TRAF7: variants seen among roughly 807,000 people sequenced by gnomAD.
TRAF7 encodes the protein E3 ubiquitin-protein ligase TRAF7.
A neutral mutation model predicts 89.3 loss-of-function variants in TRAF7; 45 were observed. That is an observed-to-expected ratio of 0.50 (90% CI 0.40 to 0.65). TRAF7 has a LOEUF of 0.65. Ranked by LOEUF, TRAF7 falls within the 30% of genes least tolerant of loss-of-function variation. TRAF7 has a pLI of 0.00. For synonymous variants in TRAF7, 406 were observed against 369.2 expected (o/e 1.10, Z -1.14); for missense variants, 677 against 918.1 (o/e 0.74, Z 3.39).
In TRAF7 at chr16:2,163,942, C is replaced by T. The variant is rs772309846; in HGVS notation, c.22C>T (p.Arg8Cys). The stretch of plus-strand genomic sequence containing the variant: ...GAGCATGAGCTCAGGCAAGAGTGCC[C>T]GCTACAACCGCTTCTCCGGGGGGCC... Reference protein sequence around the residue: MSSGKSARYNRFSGGPSN... With the variant: MSSGKSACYNRFSGGPSN... The change falls in exon 2 of 21, where the codon CGC (arginine) becomes TGC (cysteine). Residue 8 changes from arginine to cysteine, a missense_variant. By Grantham distance (180) the Arg-to-Cys change is radical. Around this residue, in one of 6 missense-constraint regions of TRAF7, gnomAD observed 240 missense variants for 191.9 expected, o/e 1.25. Coordinates refer to ENST00000326181, the MANE Select transcript of TRAF7 (RefSeq NM_032271.3). The surrounding 1 kb of genome is among the most constrained non-coding windows in gnomAD (Gnocchi z 4.3). The T allele has an allele frequency of 3.8e-5, 61 of 1,612,632 alleles. No individual in the cohort carries two copies. Among genetic ancestry groups the T allele is most frequent in the Middle Eastern group, 1.6e-4 (1 of 6,084 alleles).
rs1305540644 is a variant in TRAF7, at chr16:2,176,741, C to G, written c.*167C>G. ...CCCGTCCCATGCTCGGCGAGCCTCCCTCTACTCGGCACTGTCCTTGCTGCC... is the reference window on the plus strand; with the variant it reads ...CCCGTCCCATGCTCGGCGAGCCTCCGTCTACTCGGCACTGTCCTTGCTGCC... On this transcript the variant is annotated 3_prime_UTR_variant, in exon 21 of 21. Coordinates refer to ENST00000326181, the MANE Select transcript of TRAF7 (RefSeq NM_032271.3). 5 of 986,968 alleles carry G rather than the reference C, an allele frequency of 5.1e-6. No homozygotes were observed. Among genetic ancestry groups the G allele is most frequent in the Non-Finnish European group, 7.7e-6 (5 of 650,632 alleles). The allele number at this position is 986,968 out of a possible 1,614,324, so 61.1% of individuals were successfully genotyped here.
chr16:2,160,946 A>G (rs893644297), intron 1 of TRAF7, among the ~76,000 whole-genome samples: 3 of 151,898 alleles, frequency 2.0e-5, no homozygotes, highest in Admixed American at 2.0e-4. Context: ...TCCTCTCCCT[A>G]CTGGGGAAAC....
rs1232942543 is a variant in TRAF7 at position 2,176,795 on chromosome 16, G to A, written c.*221G>A. 2.2e-5 allele frequency: 15 copies of A among 666,942 alleles called. No homozygotes were observed. The highest frequency in any genetic ancestry group is 3.6e-5 in the Non-Finnish European group (14 of 383,852). 41.3% of individuals were successfully genotyped at this position (666,942 alleles called of 1,614,324 possible). A position where few individuals can be genotyped will look rare whatever the true frequency, so the allele number is the denominator to read the frequency against. On this transcript the variant is annotated 3_prime_UTR_variant, in exon 21 of 21. Coordinates refer to ENST00000326181, the MANE Select transcript of TRAF7 (RefSeq NM_032271.3). ...CCCCTCTCTGGGTGCCAGGTACGAC[G>A]CTTGCCCCGGCCCACCCTCCATCCC... is the stretch of plus-strand genomic sequence containing the variant.
chr16:2,172,177 C>T lies in TRAF7; in HGVS notation c.476-14C>T. On this transcript the variant is annotated splice_polypyrimidine_tract_variant and intron_variant, in intron 7 of 20. Coordinates refer to ENST00000326181, the MANE Select transcript of TRAF7 (RefSeq NM_032271.3). ...CAGGCAGGCCGTGAGGGTCAGCACG[C>T]CCTCCTCTCCCAGAGAAGTGTCCCG... 1.2e-6 allele frequency: 2 copies of T among 1,612,862 alleles called. No individual in the cohort carries two copies. The highest frequency in any genetic ancestry group is 1.3e-5 in the African/African-American group (1 of 75,050).
chr16:2,170,574 C>A, intron 4 of TRAF7, 40 bp from the exon 5 acceptor site: 7 of 1,519,236 alleles, frequency 4.6e-6, no homozygotes, highest in East Asian at 2.3e-5. Flanking sequence ...GCTCTGACCC[C>A]GTGCGGAGCC....
At position 2,168,407 on chromosome 16, in the gene TRAF7, C is replaced by T. The variant is rs954253931; in HGVS notation, c.231+239C>T. ...AGGGCAGCTGGGTCAGAGGGCCTGG[C>T]ACCTGCAGGCCAGGATGAGGCATAT... On this transcript the variant is annotated intron_variant, in intron 4 of 20. Coordinates refer to ENST00000326181, the MANE Select transcript of TRAF7 (RefSeq NM_032271.3). The surrounding 1 kb of genome is among the most constrained non-coding windows in gnomAD (Gnocchi z 4.1). The T allele has an allele frequency of 2.2e-5, 11 of 500,236 alleles. No individual in the cohort carries two copies. Among genetic ancestry groups the T allele is most frequent in the Admixed American group, 1.4e-4 (4 of 28,418 alleles). 31.0% of individuals were successfully genotyped at this position (500,236 alleles called of 1,614,324 possible). A position where few individuals can be genotyped will look rare whatever the true frequency, so the allele number is the denominator to read the frequency against.
chr16:2,163,274 C>T lies in TRAF7; in HGVS notation c.-38-609C>T, dbSNP rs1417069724. ...CCTGCACGGGTTCCAGGGGCGGGCT[C>T]ATCTCTCTCCTGTGCTTTTTTCCGT... is the stretch of plus-strand genomic sequence containing the variant. On this transcript the variant is annotated intron_variant, in intron 1 of 20. Transcript: ENST00000326181. The surrounding 1 kb of genome is among the most constrained non-coding windows in gnomAD (Gnocchi z 4.3). Among the ~76,000 whole-genome samples the T allele has an allele frequency of 6.6e-6, 1 of 152,182 alleles. No individual in the cohort carries two copies. The highest frequency in any genetic ancestry group is 1.9e-4 in the East Asian group (1 of 5,194).
In TRAF7 at chr16:2,161,567, G is replaced by C. The variant is rs1246352119; in HGVS notation, c.-38-2316G>C. Among the ~76,000 whole-genome samples the C allele has an allele frequency of 6.6e-6, 1 of 152,160 alleles. No individual in the cohort carries two copies. The highest frequency in any genetic ancestry group is 1.5e-5 in the Non-Finnish European group (1 of 68,018). On this transcript the variant is annotated intron_variant, in intron 1 of 20. Transcript: ENST00000326181. This position sits in a 1 kb window ranked among gnomAD's most constrained non-coding sequence, Gnocchi z 5.2. ...GCTTGCAGCTGGCCCTGGGGCCCCGGAAGCTTGCAGTACAGGGAGCTGATG... is the reference window on the plus strand; with the variant it reads ...GCTTGCAGCTGGCCCTGGGGCCCCGCAAGCTTGCAGTACAGGGAGCTGATG...
rs1364355497 is a variant in TRAF7, at chr16:2,168,338, G to A, written c.231+170G>A. ...CAGACATGGCAAGTCTGTGAGAAAGGAGGCTCCTGTGGCTGGACTGTGGGT... is the reference window on the plus strand; with the variant it reads ...CAGACATGGCAAGTCTGTGAGAAAGAAGGCTCCTGTGGCTGGACTGTGGGT... On this transcript the variant is annotated intron_variant, in intron 4 of 20. Coordinates refer to ENST00000326181, the MANE Select transcript of TRAF7 (RefSeq NM_032271.3). The surrounding 1 kb of genome is among the most constrained non-coding windows in gnomAD (Gnocchi z 4.1). 1.7e-6 allele frequency: 1 copy of A among 586,510 alleles called. No individual in the cohort carries two copies. Among genetic ancestry groups the A allele is most frequent in the African/African-American group, 1.9e-5 (1 of 52,642 alleles). The allele number at this position is 586,510 out of a possible 1,614,324, so 36.3% of individuals were successfully genotyped here.
chr16:2,160,778 G>A (rs1042438506), intron 1 of TRAF7, among the ~76,000 whole-genome samples: 6 of 152,110 alleles, frequency 3.9e-5, no homozygotes, highest in Admixed American at 2.0e-4. Context: ...TTCTCACTCC[G>A]GTTGACAACT....
intron 3 of TRAF7, 142 bp from the exon 4 acceptor site, chr16:2,167,935 T>C (rs2093092937): frequency 1.3e-5 from 9 of 692,136 alleles, no homozygotes; most frequent in East Asian, 2.7e-5. Flanking sequence ...GTGCCATCCC[T>C]GCATGCTTTC....
chr16:2,171,466 G>A (rs1473825841), intron 6 of TRAF7, 106 bp from the exon 7 acceptor site: 8 of 1,567,328 alleles, frequency 5.1e-6, no homozygotes, highest in Non-Finnish European at 6.9e-6. Context: ...GGCCTGTCCT[G>A]GCTGCACTGG....
At position 2,158,307 on chromosome 16, in the gene TRAF7, C is replaced by G. The variant is rs1313743113; in HGVS notation, c.-39+2449C>G. Among the ~76,000 whole-genome samples the G allele has an allele frequency of 6.6e-6, 1 of 152,206 alleles. No individual in the cohort carries two copies. Among genetic ancestry groups the G allele is most frequent in the African/African-American group, 2.4e-5 (1 of 41,450 alleles). On this transcript the variant is annotated intron_variant, in intron 1 of 20. Transcript: ENST00000326181. This position sits in a 1 kb window ranked among gnomAD's most constrained non-coding sequence, Gnocchi z 4.7. ...AGTCTTTGACAGATCCGCTGCTGTC[C>G]CCAGCCTTGCTCCCTGGAGGAGGAG...
chr16:2,164,191 T>TGTGCGC (rs1440565592), intron 2 of TRAF7, among the ~76,000 whole-genome samples, 190 bp downstream of exon 2: 1 of 138,038 alleles, frequency 7.2e-6, no homozygotes, highest in Non-Finnish European at 1.6e-5. Flanking sequence ...CACGCGTGCG[T>TGTGCGC]GTGTGGTTGG....
chr16:2,175,247 G>A, intron 15 of TRAF7, 54 bp from the exon 16 acceptor site: 1 of 1,612,408 alleles, frequency 6.2e-7, no homozygotes, highest in East Asian at 2.2e-5. Flanking sequence ...CTGGGCTCCA[G>A]ACTCCAGGTG....
chr16:2,173,427 G>A (rs1238577239), intron 10 of TRAF7, 28 bp downstream of exon 10: 2 of 1,612,380 alleles, frequency 1.2e-6, no homozygotes, highest in Non-Finnish European at 1.7e-6. Context: ...GGCAGGCAGG[G>A]GCCTGGCCAC....
At chr16:2,156,685 G>C (rs2093036003) in intron 1 of TRAF7, among the ~76,000 whole-genome samples, 2 of 145,646 alleles carry the variant, frequency 1.4e-5, no homozygotes, top group Non-Finnish European at 3.0e-5. Flanking sequence ...GGCAAGTGGA[G>C]AGGTGAAGTC....
In TRAF7 at chr16:2,161,705, G is replaced by A. The variant is rs960905291; in HGVS notation, c.-38-2178G>A. Among the ~76,000 whole-genome samples, 6 of 152,196 alleles carry A rather than the reference G, an allele frequency of 3.9e-5. No homozygotes were observed. Among genetic ancestry groups the A allele is most frequent in the Admixed American group, 6.5e-5 (1 of 15,282 alleles). On this transcript the variant is annotated intron_variant, in intron 1 of 20. Transcript: ENST00000326181. The surrounding 1 kb of genome is among the most constrained non-coding windows in gnomAD (Gnocchi z 5.2). ...CCAAAAGGGCTGAACCTCCTGTGCCGAGTCATGGCGCCCTGCACTTCAGGC... is the reference window on the plus strand; with the variant it reads ...CCAAAAGGGCTGAACCTCCTGTGCCAAGTCATGGCGCCCTGCACTTCAGGC...
At chr16:2,172,635 G>GGGGGGGGCC in intron 9 of TRAF7, 36 bp downstream of exon 9, 2 of 1,273,302 alleles carry the variant, frequency 1.6e-6, no homozygotes, top group Non-Finnish European at 2.2e-6. Context: ...GCCGGGGTGG[G>GGGGGGGGCC]CGCAGGCCCT....
Sources: gnomAD v4.1 joint callset for allele counts (sites outside exome capture counted in the v4.1 genomes callset) on GRCh38, gnomAD v4.1.1 for gene constraint, gnomAD v4.1.1 regional missense constraint, Gnocchi (gnomAD v3.1) non-coding constraint, MANE v1.5 for transcripts, NCBI Gene and HGNC (gene_info 2026-07-23, HGNC 2026-07-21) for gene names.